The following MACF1 variants were observed in gnomAD, a reference collection of about 807,000 sequenced individuals.
The protein encoded by MACF1 is microtubule actin crosslinking factor 1.
Under a neutral mutation model 854.8 loss-of-function variants are expected in MACF1, and 193 were observed. The ratio of observed to expected loss-of-function variants is 0.23; its 90% CI spans 0.20 to 0.25. The LOEUF (loss-of-function observed/expected upper bound fraction) is 0.25, where lower values mean the gene tolerates loss of function less well. Ranked by LOEUF, MACF1 falls within the 10% of genes least tolerant of loss-of-function variation. The probability of loss-of-function intolerance (pLI) is 1.00; values close to 1 mark genes in which losing one functional copy is unlikely to be tolerated. For missense variants in MACF1, 7,722 were observed against 8,929.1 expected (o/e 0.86, Z 5.45); for synonymous variants, 3,185 against 3,226.7 (o/e 0.99, Z 0.44).
rs763559989 is a variant in MACF1 at position 39,422,440 on chromosome 1, G to A, written c.15883G>A (p.Gly5295Arg). Reference protein sequence around the residue: ...KLQQVNGLGQGLIQSAGKDCD... With the variant: ...KLQQVNGLGQRLIQSAGKDCD... ...GCAGCAGGTGAATGGACTTGGCCAG[G>A]GATTAATTCAGAGTGCAGGAAAAGA... is the stretch of plus-strand genomic sequence containing the variant. Residue 5295 changes from glycine to arginine, a missense_variant, in exon 59 of 101, where the codon GGA becomes AGA. Transcript: ENST00000564288. 7 of 1,614,082 alleles carry A rather than the reference G, an allele frequency of 4.3e-6. No individual in the cohort carries two copies. The South Asian group carries it at 7.7e-5, about 18-fold the overall frequency.
intron 97 of MACF1, among the ~76,000 whole-genome samples, chr1:39,475,399 G>A (rs375041916): frequency 1.3e-5 from 2 of 150,200 alleles, no homozygotes; most frequent in East Asian, 3.9e-4. Context: ...AGCCTGGGAG[G>A]TCAAGGCTAC....
At chr1:39,446,258 A>AT (rs1644227511) in intron 80 of MACF1, among the ~76,000 whole-genome samples, 1 of 151,862 alleles carries the variant, frequency 6.6e-6, no homozygotes, top group African/African-American at 2.4e-5. Context: ...ATATGTAGAT[A>AT]TAAAGAATAT....
Position 39,341,251 on chromosome 1 carries a change from T to G in MACF1, c.10581+298T>G, listed in dbSNP as rs1228235667. On this transcript the variant is annotated intron_variant, in intron 40 of 100. Coordinates refer to ENST00000564288, the MANE Select transcript of MACF1 (RefSeq NM_001394062.1). ...GTTTCACCATGTTGGCCAGGCTGGT[T>G]TCGAACTCCTGATCTCAGGTGATCC... Among the ~76,000 whole-genome samples the G allele has an allele frequency of 8.7e-5, 13 of 149,870 alleles. 1 individual carries two copies. In the East Asian group the frequency reaches 2.5e-3, roughly 29 times the overall value.
chr1:39,485,377 A>T (rs1645086366), intron 100 of MACF1, 161 bp from the exon 101 acceptor site: 1 of 794,282 alleles, frequency 1.3e-6, no homozygotes, highest in East Asian at 2.8e-5. Context: ...ACAAAGCCAG[A>T]AAAGGCTTCA....
At position 39,372,514 on chromosome 1, in the gene MACF1, G is replaced by A. The variant is rs1457419539; in HGVS notation, c.13131G>A (p.Leu4377=). ...LLDDWASKGT[L]VEEINCKGTS... is the part of the protein sequence containing the mutation. ...ATGACTGGGCAAGTAAGGGAACTCT[G>A]GTGGAAGAAATCAATTGCAAAGGTA... Residue 4377 remains leucine, a synonymous_variant, in exon 52 of 101, where the codon CTG becomes CTA. Transcript: ENST00000564288. The A allele has an allele frequency of 6.2e-7, 1 of 1,613,594 alleles. No individual in the cohort carries two copies. The highest frequency in any genetic ancestry group is 1.1e-5 in the South Asian group (1 of 91,036).
chr1:39,177,280 G>A (rs536205922), intron 2 of MACF1, among the ~76,000 whole-genome samples: 4 of 152,040 alleles, frequency 2.6e-5, no homozygotes, highest in African/African-American at 4.8e-5. Flanking sequence ...GTGCCACCAC[G>A]CCCAGCTAAT....
In MACF1 at chr1:39,447,479, C is replaced by T; in HGVS notation, c.19653C>T (p.Ser6551=). The T allele has an allele frequency of 6.2e-7, 1 of 1,614,018 alleles. No homozygotes were observed. The highest frequency in any genetic ancestry group is 8.5e-7 in the Non-Finnish European group (1 of 1,179,988). ...ALNLATEFQN[S]LQEFINWLTL... is the part of the protein sequence containing the mutation. ...ACTTGGCAACAGAATTCCAGAATTC[C>T]CTACAAGAATTTATCAACTGGCTCA... Residue 6551 remains serine, a synonymous_variant, in exon 81 of 101, where the codon TCC becomes TCT. Coordinates refer to ENST00000564288, the MANE Select transcript of MACF1 (RefSeq NM_001394062.1).
chr1:39,444,015 C>A (rs1570103682), intron 79 of MACF1, among the ~76,000 whole-genome samples: 1 of 152,182 alleles, frequency 6.6e-6, no homozygotes, highest in East Asian at 1.9e-4. Context: ...TTATTGGAGT[C>A]TTTTGAGGGA....
chr1:39,370,377 T>C (rs1649121288), intron 51 of MACF1, among the ~76,000 whole-genome samples, 191 bp downstream of exon 51: 1 of 152,220 alleles, frequency 6.6e-6, no homozygotes, highest in Admixed American at 6.5e-5. Flanking sequence ...ATACACTCTC[T>C]TTGTATGTTT....
chr1:39,379,298 A>G lies in MACF1; in HGVS notation c.13372A>G (p.Ile4458Val). 6.2e-7 allele frequency: 1 copy of G among 1,613,988 alleles called. No homozygotes were observed. ...LHERQESLQA[I>V]LNRMEEVHKE... ...TGAACGCCAGGAAAGCCTTCAGGCT[A>G]TCCTCAACAGAATGGAGGAGGTTCA... The change falls in exon 54 of 101, where the codon ATC becomes GTC. Residue 4458 changes from isoleucine to valine, a missense_variant. By Grantham distance (29) the Ile-to-Val change is conservative. Coordinates refer to ENST00000564288, the MANE Select transcript of MACF1 (RefSeq NM_001394062.1).
intron 2 of MACF1, among the ~76,000 whole-genome samples, chr1:39,169,157 A>G (rs1643912903): frequency 6.6e-6 from 1 of 152,178 alleles, no homozygotes; most frequent in Non-Finnish European, 1.5e-5. Context: ...CCATGACTCT[A>G]GTCCAGTCAC....
Position 39,123,709 on chromosome 1 carries a change from C to CTTATTT in MACF1, c.220+39273_220+39274insATTTTT, listed in dbSNP as rs1376838861. On this transcript the variant is annotated intron_variant, in intron 2 of 93. Coordinates refer to the MACF1 transcript ENST00000361689. ...CTCGTGCCACCATGCCCGGCTAATT[C>CTTATTT]TTGTTTTGTTTTTTTTTTTTTTTTT... Among the ~76,000 whole-genome samples, 113 of 94,376 alleles carry CTTATTT rather than the reference C, an allele frequency of 1.2e-3. 2 individuals are homozygous for CTTATTT. The highest frequency in any genetic ancestry group is 1.8e-3 in the Non-Finnish European group (81 of 45,974). The allele number at this position is 94,376 out of a possible 152,430, so 61.9% of individuals were successfully genotyped here. A position where few individuals can be genotyped will look rare whatever the true frequency, so the allele number is the denominator to read the frequency against.
At chr1:39,318,384 G>A in intron 29 of MACF1, 69 bp from the exon 30 acceptor site, 3 of 1,397,870 alleles carry the variant, frequency 2.1e-6, no homozygotes, top group Non-Finnish European at 3.0e-6. Context: ...GTTAAAGAGG[G>A]AATTACCTCA....
At chr1:39,448,823 C>T (rs1387191787) in intron 84 of MACF1, 60 bp downstream of exon 84, 1 of 1,388,240 alleles carries the variant, frequency 7.2e-7, no homozygotes, top group African/African-American at 1.5e-5. Context: ...GAGGTTCTTA[C>T]CAGATTCTAT....
chr1:39,263,229 T>C (rs1294107816), intron 6 of MACF1, among the ~76,000 whole-genome samples: 2 of 152,146 alleles, frequency 1.3e-5, no homozygotes, highest in Non-Finnish European at 2.9e-5. Context: ...ACATGGATGG[T>C]AGTTTTCACC....
At position 39,357,371 on chromosome 1, in the gene MACF1, C is replaced by T. The variant is rs766230758; in HGVS notation, c.11425-4C>T. 2 of 1,605,180 alleles carry T rather than the reference C, an allele frequency of 1.2e-6. No homozygotes were observed. The highest frequency in any genetic ancestry group is 1.7e-6 in the Non-Finnish European group (2 of 1,176,388). On this transcript the variant is annotated splice_polypyrimidine_tract_variant and splice_region_variant and intron_variant, in intron 44 of 100. Transcript: ENST00000564288. ...CTTTGTTTGGGGGGATTTTTTTTTA[C>T]CAGGCCCGTCACCAAGAATTGCTGT...
rs879394769 is a variant in MACF1 at position 39,087,779 on chromosome 1, C to CT, written c.220+3352dup. Among the ~76,000 whole-genome samples, 157 of 147,052 alleles carry CT rather than the reference C, an allele frequency of 1.1e-3. 1 individual carries two copies. The highest frequency in any genetic ancestry group is 1.7e-3 in the African/African-American group (68 of 40,326). ...TCTAACTCCAAGTACATTGCTATTT[C>CT]TTTTTTTTTTTGAGACAGAGTCTCA... On this transcript the variant is annotated intron_variant, in intron 2 of 93. Coordinates refer to the MACF1 transcript ENST00000361689.
chr1:39,199,655 T>TTATA (rs1644365319), intron 2 of MACF1, among the ~76,000 whole-genome samples: 1 of 152,262 alleles, frequency 6.6e-6, no homozygotes. Context: ...TAAAGATGCT[T>TTATA]TATAGTAGCT....
Position 39,414,108 on chromosome 1 carries a change from C to G in MACF1, c.15817-8266C>G, listed in dbSNP as rs1643175023. On this transcript the variant is annotated intron_variant, in intron 58 of 100. Transcript: ENST00000564288. ...CAGTGCCCACCCCCGAGGAGCCTGC[C>G]TCCCCAGCAGCTGCAGTGTCCAACC... 1.9e-6 allele frequency: 3 copies of G among 1,607,538 alleles called. No individual in the cohort carries two copies. In the African/African-American group the frequency reaches 4.0e-5, roughly 22 times the overall value.
Sources: gnomAD v4.1 joint callset for allele counts (sites outside exome capture counted in the v4.1 genomes callset) on GRCh38, gnomAD v4.1.1 for gene constraint, MANE v1.5 for transcripts, NCBI Gene and HGNC (gene_info 2026-07-23, HGNC 2026-07-21) for gene names.